Variants in DPYD observed in about 807,000 individuals in gnomAD.
DPYD encodes the protein dihydropyrimidine dehydrogenase [NADP(+)].
Under a neutral mutation model 116.2 loss-of-function variants are expected in DPYD, and 109 were observed. That is an observed-to-expected ratio of 0.94 (90% CI 0.80 to 1.10). DPYD has a LOEUF of 1.10. Ranked by LOEUF, DPYD falls within the 50% of genes least tolerant of loss-of-function variation. The pLI, the probability that DPYD is intolerant of heterozygous loss-of-function variation, is 0.00. For synonymous variants in DPYD, 440 were observed against 432.0 expected (o/e 1.02, Z -0.23); for missense variants, 1,302 against 1,254.5 (o/e 1.04, Z -0.57).
chr1:97,748,689 C>T (rs528437811), intron 3 of DPYD, among the ~76,000 whole-genome samples: 3 of 152,132 alleles, frequency 2.0e-5, no homozygotes, highest in Non-Finnish European at 4.4e-5. Context: ...TATATAAGTG[C>T]TCATACGCGT....
chr1:97,518,063 A>G (rs1243415374), intron 12 of DPYD, among the ~76,000 whole-genome samples: 2 of 152,128 alleles, frequency 1.3e-5, no homozygotes, highest in African/African-American at 2.4e-5. Flanking sequence ...TTGCTTTGAA[A>G]TTCTTACGAA....
At chr1:97,860,570 C>T (rs1025686649) in intron 2 of DPYD, among the ~76,000 whole-genome samples, 1 of 152,040 alleles carries the variant, frequency 6.6e-6, no homozygotes. Flanking sequence ...ATATGAGGCA[C>T]CTGAGTACTG....
chr1:97,648,978 C>T (rs1658426060), intron 8 of DPYD, among the ~76,000 whole-genome samples: 1 of 151,946 alleles, frequency 6.6e-6, no homozygotes, highest in Non-Finnish European at 1.5e-5. Flanking sequence ...GTAGTAAGTA[C>T]ACCCAGATCT....
chr1:97,147,332 G>A (rs1462930177), intron 20 of DPYD, among the ~76,000 whole-genome samples: 1 of 150,960 alleles, frequency 6.6e-6, no homozygotes, highest in Non-Finnish European at 1.5e-5. Context: ...TGGTGACAGA[G>A]TGAGACTCTG....
chr1:97,773,559 A>G (rs1571334477), intron 3 of DPYD, among the ~76,000 whole-genome samples: 3 of 152,022 alleles, frequency 2.0e-5, no homozygotes, highest in Middle Eastern at 3.4e-3. Flanking sequence ...GCCTATAAAA[A>G]CCCCGAGACA....
At position 97,781,294 on chromosome 1, in the gene DPYD, T is replaced by C. The variant is rs71657278; in HGVS notation, c.234-40815A>G. 5.0e-3 allele frequency among the ~76,000 whole-genome samples: 759 copies of C among 152,348 alleles called. 4 individuals are homozygous for C. The highest frequency in any genetic ancestry group is 0.01 in the Middle Eastern group (3 of 294). On this transcript the variant is annotated intron_variant, in intron 3 of 22. Transcript: ENST00000370192. ...ATACTTTTGGTACAAAAATTACCTA[T>C]GATTTTAAGACCACCATTTGTTTGA...
chr1:97,791,582 G>T (rs1667322422), intron 3 of DPYD, among the ~76,000 whole-genome samples: 1 of 152,204 alleles, frequency 6.6e-6, no homozygotes, highest in South Asian at 2.1e-4. Context: ...CTTAAGTCTA[G>T]TAACTAAATG....
In DPYD at chr1:97,419,461, A is replaced by G. The variant is rs537845609; in HGVS notation, c.1905+30598T>C. ...TAATACATTATGATTTTTGTTATTC[A>G]CAACAACGCTGTAAAATAGGCACCG... On this transcript the variant is annotated intron_variant, in intron 14 of 22. Coordinates refer to ENST00000370192, the MANE Select transcript of DPYD (RefSeq NM_000110.4). Among the ~76,000 whole-genome samples the G allele has an allele frequency of 2.6e-5, 4 of 152,268 alleles. No individual in the cohort carries two copies. In the East Asian group the frequency reaches 7.7e-4, roughly 29 times the overall value.
chr1:97,723,877 G>A (rs1247299809), intron 4 of DPYD, among the ~76,000 whole-genome samples: 11 of 151,622 alleles, frequency 7.3e-5, no homozygotes, highest in Non-Finnish European at 1.3e-4. Context: ...AAGGGCATTT[G>A]AGGCTGCCAT....
chr1:97,235,863 C>G (rs77594823), intron 18 of DPYD, among the ~76,000 whole-genome samples: 3,219 of 152,196 alleles, frequency 0.021, 60 homozygotes, highest in Non-Finnish European at 0.032. Context: ...CAATTTTTCA[C>G]ATATTAGAAA....
chr1:97,304,651 G>T (rs188630608), intron 18 of DPYD, among the ~76,000 whole-genome samples: 2 of 152,090 alleles, frequency 1.3e-5, no homozygotes, highest in African/African-American at 4.8e-5. Context: ...GTCTTTGCAA[G>T]ACCAAGTTCA....
chr1:97,382,581 T>C (rs539742537), intron 14 of DPYD, 120 bp from the exon 15 acceptor site: 256 of 558,168 alleles, frequency 4.6e-4, no homozygotes, highest in Middle Eastern at 1.6e-3. Flanking sequence ...GTTTTCAAAC[T>C]GTGAAAAAAT....
chr1:97,439,178 T>C (rs1675621693), intron 14 of DPYD, among the ~76,000 whole-genome samples: 1 of 152,180 alleles, frequency 6.6e-6, no homozygotes, highest in Non-Finnish European at 1.5e-5. Flanking sequence ...GTTTATAACA[T>C]ATGAACTATG....
intron 16 of DPYD, among the ~76,000 whole-genome samples, chr1:97,368,000 C>T (rs535576502): frequency 2.6e-5 from 4 of 152,114 alleles, no homozygotes; most frequent in African/African-American, 7.2e-5. Flanking sequence ...TAATATACAC[C>T]CAGCTCATGA....
chr1:97,490,412 A>G (rs1422015728), intron 13 of DPYD, among the ~76,000 whole-genome samples: 1 of 147,956 alleles, frequency 6.8e-6, no homozygotes, highest in African/African-American at 2.5e-5. Flanking sequence ...ACAATTATAT[A>G]TTAGTATAAC....
At chr1:97,196,579 C>T (rs1010342793) in intron 19 of DPYD, among the ~76,000 whole-genome samples, 29 of 152,116 alleles carry the variant, frequency 1.9e-4, no homozygotes, top group Middle Eastern at 3.2e-3. Context: ...TAACATGATG[C>T]GGGCTCTTCT....
chr1:97,796,503 T>C (rs1266928681), intron 3 of DPYD, among the ~76,000 whole-genome samples: 1 of 152,108 alleles, frequency 6.6e-6, no homozygotes, highest in Non-Finnish European at 1.5e-5. Flanking sequence ...GCCCATGAGT[T>C]ACATATATGA....
intron 3 of DPYD, among the ~76,000 whole-genome samples, chr1:97,749,317 C>T (rs1305408424): frequency 6.6e-6 from 1 of 152,082 alleles, no homozygotes; most frequent in Non-Finnish European, 1.5e-5. Context: ...ATTATTTATG[C>T]ACAATAAGGA....
intron 4 of DPYD, among the ~76,000 whole-genome samples, chr1:97,726,147 G>A (rs80120599): frequency 0.013 from 2,001 of 151,512 alleles, 20 homozygotes; most frequent in Middle Eastern, 0.024. Flanking sequence ...TTTTTCTTCT[G>A]AATAGAAATT....
Sources: gnomAD v4.1 joint callset for allele counts (sites outside exome capture counted in the v4.1 genomes callset) on GRCh38, gnomAD v4.1.1 for gene constraint, MANE v1.5 for transcripts, NCBI Gene and HGNC (gene_info 2026-07-23, HGNC 2026-07-21) for gene names.